Variants in HPX observed in about 807,000 individuals in gnomAD.
The protein encoded by HPX is hemopexin.
A neutral mutation model predicts 53.8 loss-of-function variants in HPX; 42 were observed. That is an observed-to-expected ratio of 0.78 (90% CI 0.61 to 1.01). The LOEUF (loss-of-function observed/expected upper bound fraction) is 1.01, where lower values mean the gene tolerates loss of function less well. Ranked by LOEUF, HPX falls within the 50% of genes least tolerant of loss-of-function variation. HPX has a pLI of 0.00. For missense variants in HPX, 547 were observed against 594.3 expected (o/e 0.92, Z 0.83); for synonymous variants, 229 against 221.1 (o/e 1.04, Z -0.32).
In HPX at chr11:6,431,343, G is replaced by A. The variant is rs751560391; in HGVS notation, c.1257C>T (p.Ser419=). The A allele has an allele frequency of 5.2e-5, 84 of 1,614,234 alleles. No individual in the cohort carries two copies. Among genetic ancestry groups the A allele is most frequent in the Middle Eastern group, 1.6e-4 (1 of 6,062 alleles). Residue 419 remains serine, a synonymous_variant, in exon 10 of 10, where the codon TCC becomes TCT. Transcript: ENST00000265983. The stretch of plus-strand genomic sequence containing the variant: ...TGAGGTACAAGCCGGGACCATTGGC[G>A]GAACATGAGTTAGGGCCAAGGGACT... The part of the protein sequence containing the change: ...MEKSLGPNSC[S]ANGPGLYLIH...
In HPX at chr11:6,433,472, C is replaced by T. The variant is rs73398891; in HGVS notation, c.836-1455G>A. Among the ~76,000 whole-genome samples, 750 of 152,320 alleles carry T rather than the reference C, an allele frequency of 4.9e-3. 7 individuals carry two copies. Among genetic ancestry groups the T allele is most frequent in the African/African-American group, 0.017 (701 of 41,560 alleles). On this transcript the variant is annotated intron_variant, in intron 7 of 9. Transcript: ENST00000265983. Reference sequence around the variant, plus strand: ...GATTACAGGCGTAAGCCACCACACCCGGCCTATCTTAGCTATTAGTTAATG... The same window carrying T: ...GATTACAGGCGTAAGCCACCACACCTGGCCTATCTTAGCTATTAGTTAATG...
At chr11:6,437,387 C>G in intron 6 of HPX, 53 bp downstream of exon 6, 1 of 1,535,776 alleles carries the variant, frequency 6.5e-7, no homozygotes, top group Non-Finnish European at 9.0e-7. Context: ...GATCCACAAG[C>G]TCAGGGAAAG....
rs1438780835 is a variant in HPX, at chr11:6,438,509, C to A, written c.337G>T (p.Gly113Trp). 6.2e-7 allele frequency: 1 copy of A among 1,613,712 alleles called. No homozygotes were observed. ...QGHNSVFLIK[G>W]DKVWVYPPEK... is the part of the protein sequence containing the mutation. ...GGAGGGTATACCCAGACTTTGTCCC[C>A]CTGCATTCAAAAGTACTCTCTTTTT... Residue 113 changes from glycine to tryptophan, a missense_variant and splice_region_variant, in exon 5 of 10, where the codon GGG (glycine) becomes TGG (tryptophan). Coordinates refer to ENST00000265983, the MANE Select transcript of HPX (RefSeq NM_000613.3).
chr11:6,440,098 G>C (rs745674569), intron 4 of HPX, 67 bp downstream of exon 4: 10 of 1,602,930 alleles, frequency 6.2e-6, no homozygotes, highest in Admixed American at 1.7e-5. Context: ...AAGGCCATTT[G>C]GGGGAAGGGT....
In HPX at chr11:6,432,009, A is replaced by T; in HGVS notation, c.844T>A (p.Tyr282Asn). ...TCCCGGCTGGTGTCCAGACGCCAGT[A>T]GTGGGTCCCTGTGGAATACCATAGG... ...GATYAFSGTHYWRLDTSRDGW... is the reference protein window; with the variant it reads ...GATYAFSGTHNWRLDTSRDGW... The change falls in exon 8 of 10, where the codon TAC (tyrosine) becomes AAC (asparagine). Residue 282 changes from tyrosine to asparagine, a missense_variant. Coordinates refer to ENST00000265983, the MANE Select transcript of HPX (RefSeq NM_000613.3). The T allele has an allele frequency of 6.2e-7, 1 of 1,614,220 alleles. No homozygotes were observed. Among genetic ancestry groups the T allele is most frequent in the Non-Finnish European group, 8.5e-7 (1 of 1,180,032 alleles).
At chr11:6,438,036 A>C (rs1849438994) in intron 5 of HPX, 2 of 488,556 alleles carry the variant, frequency 4.1e-6, no homozygotes, top group Non-Finnish European at 7.3e-6. Context: ...AAGTATAATA[A>C]AAGTCAAAGC....
chr11:6,437,359 G>A, intron 6 of HPX, 81 bp downstream of exon 6: 2 of 1,412,784 alleles, frequency 1.4e-6, no homozygotes, highest in Non-Finnish European at 2.0e-6. Context: ...GAGTTAAAGT[G>A]AGAGCTAGGA....
Position 6,438,263 on chromosome 11 carries a change from C to A in HPX, c.490+93G>T, listed in dbSNP as rs942029201. ...TCCTTAAAAAGCCACATAGTGGCTC[C>A]ACCACCACCATCACTACCACTATCA... On this transcript the variant is annotated intron_variant, in intron 5 of 9. Transcript: ENST00000265983. The A allele has an allele frequency of 3.8e-6, 5 of 1,311,912 alleles. No individual in the cohort carries two copies. The African/African-American group carries it at 7.3e-5, about 19-fold the overall frequency. The allele number at this position is 1,311,912 out of a possible 1,614,324, so 81.3% of individuals were successfully genotyped here. A position where few individuals can be genotyped will look rare whatever the true frequency, so the allele number is the denominator to read the frequency against.
chr11:6,440,793 C>T, intron 1 of HPX, 63 bp from the exon 2 acceptor site: 1 of 1,595,224 alleles, frequency 6.3e-7, no homozygotes, highest in Non-Finnish European at 8.6e-7. Context: ...TAGCCCCTGA[C>T]CCCAAATTTG....
chr11:6,436,971 G>C, intron 7 of HPX, 75 bp downstream of exon 7: 20 of 1,504,556 alleles, frequency 1.3e-5, no homozygotes, highest in Non-Finnish European at 1.8e-5. Flanking sequence ...TGACAATGGA[G>C]AAATGTGTCA....
At chr11:6,434,279 T>G (rs934514744) in intron 7 of HPX, among the ~76,000 whole-genome samples, 7 of 152,202 alleles carry the variant, frequency 4.6e-5, no homozygotes, top group African/African-American at 1.7e-4. Flanking sequence ...CCACCTCCCC[T>G]GGGAGGTTTC....
chr11:6,431,611 C>A (rs761309641), intron 9 of HPX, 30 bp downstream of exon 9: 1 of 1,611,760 alleles, frequency 6.2e-7, no homozygotes, highest in South Asian at 1.1e-5. Flanking sequence ...GCAGAACAAG[C>A]TGCCCTCTAA....
In HPX at chr11:6,431,905, T is replaced by G. The variant is rs1224737248; in HGVS notation, c.948A>C (p.Glu316Asp). 6.2e-7 allele frequency: 1 copy of G among 1,614,054 alleles called. No individual in the cohort carries two copies. The highest frequency in any genetic ancestry group is 8.5e-7 in the Non-Finnish European group (1 of 1,180,034). Residue 316 changes from glutamate (E) to aspartate (D), a missense_variant, in exon 8 of 10, where the codon GAA (glutamate) becomes GAC (aspartate). Transcript: ENST00000265983. ...TACACACCTGGACCAGATAGAGTTT[T>G]TCTTCCCAGGAAAAGGCAGCATCCA... ...SAVDAAFSWE[E>D]KLYLVQGTQV... is the part of the protein sequence containing the mutation.
intron 4 of HPX, 73 bp downstream of exon 4, chr11:6,440,092 C>T: frequency 6.3e-7 from 1 of 1,599,136 alleles, no homozygotes; most frequent in Non-Finnish European, 8.6e-7. Flanking sequence ...CATGCCAAGG[C>T]CATTTGGGGG....
chr11:6,437,733 C>T, intron 5 of HPX, 81 bp from the exon 6 acceptor site: 2 of 1,064,918 alleles, frequency 1.9e-6, no homozygotes, highest in South Asian at 2.7e-5. Flanking sequence ...CAGGATGGGC[C>T]AGATAATGGT....
In HPX at chr11:6,437,122, C is replaced by G; in HGVS notation, c.759G>C (p.Glu253Asp). Residue 253 changes from glutamate (E) to aspartate (D), a missense_variant, in exon 7 of 10, where the codon GAG becomes GAC. Physicochemically the swap from Glu to Asp is conservative, Grantham distance 45 (BLOSUM62 2). Coordinates refer to ENST00000265983, the MANE Select transcript of HPX (RefSeq NM_000613.3). ...CTAGATGTGGGCTACAGCGCATATACTCAGGGCCATGGTGGGTACTGTTCC... is the reference window on the plus strand; with the variant it reads ...CTAGATGTGGGCTACAGCGCATATAGTCAGGGCCATGGTGGGTACTGTTCC... ...GHGNSTHHGP[E>D]YMRCSPHLVL... The G allele has an allele frequency of 6.2e-7, 1 of 1,614,156 alleles. No homozygotes were observed. Among genetic ancestry groups the G allele is most frequent in the Non-Finnish European group, 8.5e-7 (1 of 1,180,016 alleles).
At position 6,437,581 on chromosome 11, in the gene HPX, A is replaced by T. The variant is rs771443865; in HGVS notation, c.562T>A (p.Cys188Ser). Residue 188 changes from cysteine (C) to serine (S), a missense_variant, in exon 6 of 10, where the codon TGC becomes AGC. By Grantham distance (112) the Cys-to-Ser change is moderately radical. Transcript: ENST00000265983. Reference protein sequence around the residue: ...KERSWPAVGNCSSALRWLGRY... With the variant: ...KERSWPAVGNSSSALRWLGRY... The stretch of plus-strand genomic sequence containing the variant: ...CCCAGCCATCTCAGGGCAGAGGAGC[A>T]GTTCCCAACAGCTGGCCAGGAACGC... The T allele has an allele frequency of 5.6e-6, 9 of 1,614,208 alleles. No homozygotes were observed. In the South Asian group the frequency reaches 8.8e-5, roughly 16 times the overall value.
At chr11:6,431,513 G>A in intron 9 of HPX, 43 bp from the exon 10 acceptor site, 1 of 1,612,256 alleles carries the variant, frequency 6.2e-7, no homozygotes, top group Middle Eastern at 1.8e-4. Context: ...CCATGTCATG[G>A]GGATCCTGAC....
At chr11:6,439,032 C>T (rs1169661293) in intron 4 of HPX, among the ~76,000 whole-genome samples, 1 of 151,974 alleles carries the variant, frequency 6.6e-6, no homozygotes, top group Non-Finnish European at 1.5e-5. Context: ...AAAGAGTGCA[C>T]TGAGAATATA....
Sources: gnomAD v4.1 joint callset for allele counts (sites outside exome capture counted in the v4.1 genomes callset) on GRCh38, gnomAD v4.1.1 for gene constraint, MANE v1.5 for transcripts, NCBI Gene and HGNC (gene_info 2026-07-23, HGNC 2026-07-21) for gene names.